The following ERBB4 variants were observed in gnomAD, a reference collection of about 807,000 sequenced individuals.
The protein encoded by ERBB4 is erb-b2 receptor tyrosine kinase 4.
Under a neutral mutation model 158.0 loss-of-function variants are expected in ERBB4, and 42 were observed. The ratio of observed to expected loss-of-function variants is 0.27; its 90% CI spans 0.21 to 0.34. ERBB4 has a LOEUF of 0.34. Ranked by LOEUF, ERBB4 falls within the 10% of genes least tolerant of loss-of-function variation. The probability of loss-of-function intolerance (pLI) is 1.00; values close to 1 mark genes in which losing one functional copy is unlikely to be tolerated. For missense variants in ERBB4, 1,333 were observed against 1,624.1 expected (o/e 0.82, Z 3.08); for synonymous variants, 583 against 558.7 (o/e 1.04, Z -0.61).
chr2:211,395,147 C>A (rs1199739057), intron 25 of ERBB4, among the ~76,000 whole-genome samples: 1 of 152,020 alleles, frequency 6.6e-6, no homozygotes, highest in Non-Finnish European at 1.5e-5. Flanking sequence ...GTCGACTCAT[C>A]GCTTTTTCTT....
intron 1 of ERBB4, among the ~76,000 whole-genome samples, chr2:212,212,484 C>A (rs1264428738): frequency 1.3e-5 from 2 of 151,920 alleles, no homozygotes; most frequent in South Asian, 2.1e-4. Flanking sequence ...AATGGCCATA[C>A]TGTCCGAAGT....
chr2:212,172,198 C>G (rs777847476), intron 1 of ERBB4, among the ~76,000 whole-genome samples: 8 of 152,084 alleles, frequency 5.3e-5, no homozygotes, highest in Non-Finnish European at 1.0e-4. Context: ...AAATGCAAGT[C>G]AAAACTGTAA....
In ERBB4 at chr2:211,774,561, CA is replaced by C. The variant is rs1451511296; in HGVS notation, c.556+13463del. ...CTGAACCCTCGTCTGGCCAGTCATACAAGTCCCTATTTAGGGAACAAGTGAT... is the reference window on the plus strand; with the variant it reads ...CTGAACCCTCGTCTGGCCAGTCATACAGTCCCTATTTAGGGAACAAGTGAT... On this transcript the variant is annotated intron_variant, in intron 4 of 27. Coordinates refer to ENST00000342788, the MANE Select transcript of ERBB4 (RefSeq NM_005235.3). 2.0e-5 allele frequency among the ~76,000 whole-genome samples: 3 copies of C among 152,248 alleles called. No homozygotes were observed. In the South Asian group the frequency reaches 6.2e-4, roughly 32 times the overall value.
At chr2:212,166,035 G>C (rs1356179519) in intron 1 of ERBB4, among the ~76,000 whole-genome samples, 2 of 151,566 alleles carry the variant, frequency 1.3e-5, no homozygotes. Flanking sequence ...TTAGAAAGTT[G>C]TGCTCTGATA....
At chr2:211,712,268 T>G in intron 8 of ERBB4, 92 bp from the exon 9 acceptor site, 1 of 1,237,786 alleles carries the variant, frequency 8.1e-7, no homozygotes, top group South Asian at 1.3e-5. Flanking sequence ...CAGAGTATTT[T>G]TAATTGTAAC....
intron 2 of ERBB4, among the ~76,000 whole-genome samples, chr2:212,065,956 A>C (rs925002076): frequency 5.9e-5 from 9 of 152,024 alleles, no homozygotes; most frequent in African/African-American, 2.2e-4. Flanking sequence ...GGTTGAAAGC[A>C]GTTGGTCTCC....
intron 1 of ERBB4, among the ~76,000 whole-genome samples, chr2:212,387,999 T>G (rs1468134051): frequency 1.3e-5 from 2 of 152,108 alleles, no homozygotes; most frequent in African/African-American, 4.8e-5. Flanking sequence ...ATATCAGTAT[T>G]AGAATTTTCT....
At chr2:211,413,834 A>C (rs773568450) in intron 25 of ERBB4, among the ~76,000 whole-genome samples, 5 of 151,904 alleles carry the variant, frequency 3.3e-5, no homozygotes, top group Non-Finnish European at 5.9e-5. Flanking sequence ...ATTAAGTGAA[A>C]AAGAAAGCTC....
intron 20 of ERBB4, among the ~76,000 whole-genome samples, chr2:211,509,619 C>T (rs13002394): frequency 0.52 from 79,429 of 151,764 alleles, 21,048 homozygotes; most frequent in Middle Eastern, 0.56. Context: ...AAACTAGAGA[C>T]CTTCTGCACA....
At chr2:211,436,384 C>A (rs1304885013) in intron 20 of ERBB4, among the ~76,000 whole-genome samples, 1 of 142,812 alleles carries the variant, frequency 7.0e-6, no homozygotes, top group Admixed American at 6.9e-5. Context: ...TTGCCTGTTT[C>A]AAACCCCAGC....
intron 1 of ERBB4, among the ~76,000 whole-genome samples, chr2:212,286,792 T>G (rs1257089490): frequency 2.9e-5 from 4 of 137,172 alleles, no homozygotes; most frequent in African/African-American, 1.2e-4. Flanking sequence ...TTTTTTTTTG[T>G]AGAGACGGGA....
At chr2:211,818,518 G>T (rs2076925999) in intron 3 of ERBB4, among the ~76,000 whole-genome samples, 1 of 152,014 alleles carries the variant, frequency 6.6e-6, no homozygotes, top group Admixed American at 6.6e-5. Flanking sequence ...TCCAATAAAA[G>T]AAACTATCAA....
intron 3 of ERBB4, among the ~76,000 whole-genome samples, chr2:211,874,065 T>C (rs779419468): frequency 2.6e-5 from 4 of 152,104 alleles, no homozygotes; most frequent in Non-Finnish European, 5.9e-5. Flanking sequence ...CTTGGGAGGC[T>C]TAGGCGAGAG....
At chr2:212,419,170 G>T (rs1338169685) in intron 1 of ERBB4, among the ~76,000 whole-genome samples, 2 of 150,724 alleles carry the variant, frequency 1.3e-5, no homozygotes, top group Non-Finnish European at 3.0e-5. Flanking sequence ...CCCCCAAATT[G>T]CTATAGAAAA....
chr2:211,957,017 T>TG (rs1393849147), intron 2 of ERBB4, among the ~76,000 whole-genome samples: 1 of 151,778 alleles, frequency 6.6e-6, no homozygotes, highest in African/African-American at 2.4e-5. Flanking sequence ...CCAGTAGAGA[T>TG]GGGGGTCTCA....
At chr2:212,009,330 G>A (rs2076331233) in intron 2 of ERBB4, among the ~76,000 whole-genome samples, 1 of 151,716 alleles carries the variant, frequency 6.6e-6, no homozygotes, top group Non-Finnish European at 1.5e-5. Context: ...GAGGAGATTT[G>A]AAATACTCAG....
chr2:211,472,367 T>C (rs2064848122), intron 20 of ERBB4, among the ~76,000 whole-genome samples: 1 of 150,462 alleles, frequency 6.6e-6, no homozygotes, highest in Admixed American at 6.7e-5. Flanking sequence ...AATTAGTGAT[T>C]AACATCCCTG....
intron 2 of ERBB4, among the ~76,000 whole-genome samples, chr2:212,102,161 T>C (rs997628328): frequency 4.1e-5 from 6 of 147,714 alleles, no homozygotes; most frequent in Admixed American, 6.8e-5. Context: ...CCTTTAAAAA[T>C]GTATCTTTTT....
At chr2:211,530,880 C>T (rs1386978274) in intron 20 of ERBB4, among the ~76,000 whole-genome samples, 2 of 151,964 alleles carry the variant, frequency 1.3e-5, no homozygotes, top group African/African-American at 4.8e-5. Context: ...CAGAGTGAGA[C>T]CATGTCTTCA....
Sources: gnomAD v4.1 joint callset for allele counts (sites outside exome capture counted in the v4.1 genomes callset) on GRCh38, gnomAD v4.1.1 for gene constraint, MANE v1.5 for transcripts, NCBI Gene and HGNC (gene_info 2026-07-23, HGNC 2026-07-21) for gene names.